SPMIP7: variants seen among roughly 807,000 people sequenced by gnomAD.
SPMIP7 encodes the protein sperm microtubule inner protein 7.
chr7:50,140,543 C>G, the SPMIP7 span, among the ~76,000 whole-genome samples: 5 of 152,202 alleles, frequency 3.3e-5, no homozygotes, highest in African/African-American at 1.2e-4. Context: ...GGATGAGATG[C>G]TCATTAACAG....
chr7:50,118,896 A>G, the SPMIP7 span, among the ~76,000 whole-genome samples: 20 of 152,210 alleles, frequency 1.3e-4, no homozygotes, highest in Non-Finnish European at 2.4e-4. Context: ...TCCTTATGGA[A>G]TAGTTCCTGG....
chr7:50,125,057 C>A, the SPMIP7 span, among the ~76,000 whole-genome samples: 1 of 146,030 alleles, frequency 6.8e-6, no homozygotes, highest in Non-Finnish European at 1.5e-5. Flanking sequence ...CGAGATCATG[C>A]CACTGCACTC....
the SPMIP7 span, among the ~76,000 whole-genome samples, chr7:50,125,159 TAC>T: frequency 3.6e-4 from 13 of 36,428 alleles, no homozygotes; most frequent in Non-Finnish European, 6.1e-4. Context: ...CACATATATA[TAC>T]ACATATATAC....
At chr7:50,096,633 T>C in the SPMIP7 span, 2 of 1,532,624 alleles carry the variant, frequency 1.3e-6, no homozygotes, top group Non-Finnish European at 1.8e-6. Context: ...AGAGCAAGAC[T>C]TGGAGGTAAA....
chr7:50,148,462 T>A, the SPMIP7 span, among the ~76,000 whole-genome samples: 1 of 152,246 alleles, frequency 6.6e-6, no homozygotes, highest in Non-Finnish European at 1.5e-5. Context: ...ACTGCTCTGA[T>A]GGCAGGATAT....
the SPMIP7 span, chr7:50,140,040 T>C: frequency 3.9e-6 from 3 of 777,014 alleles, no homozygotes; most frequent in African/African-American, 3.7e-5. Flanking sequence ...CTATGAGATA[T>C]CTGTGAAGGC....
the SPMIP7 span, among the ~76,000 whole-genome samples, chr7:50,105,380 G>T: frequency 5.9e-5 from 9 of 152,132 alleles, no homozygotes; most frequent in Non-Finnish European, 1.2e-4. Flanking sequence ...ACATTGTAAA[G>T]AATCAATTTT....
At chr7:50,096,425 G>C in the SPMIP7 span, 1 of 1,551,698 alleles carries the variant, frequency 6.4e-7, no homozygotes, top group Non-Finnish European at 8.7e-7. Flanking sequence ...TATGAGTCCT[G>C]GTGGTGATGC....
the SPMIP7 span, among the ~76,000 whole-genome samples, chr7:50,131,212 T>C: frequency 6.6e-6 from 1 of 152,150 alleles, no homozygotes; most frequent in East Asian, 1.9e-4. Context: ...GGTTGAGTTC[T>C]GGATGTATGT....
the SPMIP7 span, among the ~76,000 whole-genome samples, chr7:50,152,523 G>A: frequency 2.0e-5 from 3 of 152,094 alleles, no homozygotes; most frequent in South Asian, 2.1e-4. Context: ...CAGTCTGAAC[G>A]ATGTCTAGTT....
At chr7:50,129,774 T>C in the SPMIP7 span, 1 of 1,548,360 alleles carries the variant, frequency 6.5e-7, no homozygotes, top group Non-Finnish European at 8.7e-7. Context: ...GGACTCATTT[T>C]ACAAGTCCTC....
chr7:50,141,313 T>C, the SPMIP7 span: 3 of 1,552,018 alleles, frequency 1.9e-6, no homozygotes. Context: ...GCTGATGATG[T>C]TGACAACCCC....
At chr7:50,119,764 G>T in the SPMIP7 span, among the ~76,000 whole-genome samples, 4 of 152,180 alleles carry the variant, frequency 2.6e-5, no homozygotes, top group African/African-American at 9.6e-5. Flanking sequence ...AAGGTATGTT[G>T]TGCTTCCGAG....
chr7:50,147,215 T>A, the SPMIP7 span, among the ~76,000 whole-genome samples: 1 of 152,218 alleles, frequency 6.6e-6, no homozygotes, highest in African/African-American at 2.4e-5. Flanking sequence ...TAAAAGACTA[T>A]CACATTGATT....
the SPMIP7 span, among the ~76,000 whole-genome samples, chr7:50,102,008 T>C: frequency 1.3e-5 from 2 of 152,282 alleles, no homozygotes; most frequent in East Asian, 3.9e-4. Flanking sequence ...GTCTTCTGTT[T>C]AGAATCTATG....
chr7:50,103,533 A>C, the SPMIP7 span, among the ~76,000 whole-genome samples: 1 of 152,168 alleles, frequency 6.6e-6, no homozygotes, highest in Non-Finnish European at 1.5e-5. Context: ...TGCTATACCT[A>C]ACATTTTTTA....
chr7:50,140,212 AT>A, the SPMIP7 span: 2 of 1,400,756 alleles, frequency 1.4e-6, no homozygotes, highest in Non-Finnish European at 9.5e-7. Context: ...TTGTAAAAAA[AT>A]TTTAGATTTA....
At chr7:50,151,008 G>T in the SPMIP7 span, among the ~76,000 whole-genome samples, 1 of 152,172 alleles carries the variant, frequency 6.6e-6, no homozygotes, top group Admixed American at 6.5e-5. Flanking sequence ...TGATAAGAAA[G>T]ATATCTGATA....
At chr7:50,146,858 C>G in the SPMIP7 span, among the ~76,000 whole-genome samples, 1 of 152,230 alleles carries the variant, frequency 6.6e-6, no homozygotes, top group Admixed American at 6.5e-5. Context: ...GGGTCTGCAC[C>G]TGCTGCATGC....
Sources: allele counts gnomAD v4.1 joint callset (sites outside exome capture counted in the v4.1 genomes callset), GRCh38; gene constraint gnomAD v4.1.1; transcripts MANE v1.5; gene names NCBI Gene and HGNC (gene_info 2026-07-23, HGNC 2026-07-21).